Variants in FRMD6 observed in about 807,000 individuals in gnomAD.
FRMD6 encodes FERM domain-containing protein 6.
Under a neutral mutation model 73.2 loss-of-function variants are expected in FRMD6, and 37 were observed. That is an observed-to-expected ratio of 0.51 (90% confidence interval 0.39 to 0.66). The LOEUF (loss-of-function observed/expected upper bound fraction) is 0.66. Among genes scored for constraint, FRMD6 ranks in the 30% least tolerant of loss-of-function variants. FRMD6 has a pLI of 0.00. For missense variants in FRMD6, 714 were observed against 780.5 expected (o/e 0.91, Z 1.02); for synonymous variants, 273 against 282.2 (o/e 0.97, Z 0.33).
At chr14:51,543,450 A>G (rs1275500499) in intron 1 of FRMD6, among the ~76,000 whole-genome samples, 3 of 152,024 alleles carry the variant, frequency 2.0e-5, no homozygotes, top group African/African-American at 7.2e-5. Context: ...AGCTATCATG[A>G]CTTACCTGTT....
At chr14:51,682,708 A>C (rs1256056612) in intron 1 of FRMD6, among the ~76,000 whole-genome samples, 1 of 151,916 alleles carries the variant, frequency 6.6e-6, no homozygotes, top group Non-Finnish European at 1.5e-5. Flanking sequence ...ATTGCCAGCA[A>C]CTCCAGGCTC....
At chr14:51,459,577 C>T in the FRMD6 span, among the ~76,000 whole-genome samples, 2 of 151,926 alleles carry the variant, frequency 1.3e-5, no homozygotes, top group Admixed American at 1.3e-4. Flanking sequence ...CCTGTAATCC[C>T]AGCACTTTGA....
intron 2 of FRMD6, among the ~76,000 whole-genome samples, chr14:51,582,819 C>T (rs962595508): frequency 6.6e-6 from 1 of 152,138 alleles, no homozygotes; most frequent in Non-Finnish European, 1.5e-5. Flanking sequence ...ATTCGTACTT[C>T]TTAGCTTTCA....
At chr14:51,639,734 T>C (rs1201113259) in intron 2 of FRMD6, among the ~76,000 whole-genome samples, 1 of 152,204 alleles carries the variant, frequency 6.6e-6, no homozygotes, top group Non-Finnish European at 1.5e-5. Flanking sequence ...TATCTATCCA[T>C]GCAACCTCGT....
the FRMD6 span, among the ~76,000 whole-genome samples, chr14:51,457,218 A>G: frequency 0.93 from 142,161 of 152,284 alleles, 66,626 homozygotes; most frequent in African/African-American, 0.97. Context: ...CAATGTAAAC[A>G]TGTATCAAAG....
chr14:51,717,129 A>G (rs1051939886), intron 10 of FRMD6: 9 of 152,212 alleles, frequency 5.9e-5, no homozygotes, highest in African/African-American at 2.2e-4. Flanking sequence ...TTCATTGCCA[A>G]CCATAGTACC....
intron 2 of FRMD6, among the ~76,000 whole-genome samples, chr14:51,607,947 G>A (rs947415983): frequency 5.8e-4 from 88 of 152,304 alleles, no homozygotes; most frequent in African/African-American, 2.0e-3. Flanking sequence ...CCTGTCTGCT[G>A]TGGCCACGTG....
In FRMD6 at chr14:51,691,588, A is replaced by ATTTTTTTTTTTTTTTTTTT. The variant is rs758677611; in HGVS notation, c.99+1659_99+1677dup. 4.3e-4 allele frequency among the ~76,000 whole-genome samples: 32 copies of ATTTTTTTTTTTTTTTTTTT among 75,148 alleles called. 1 individual carries two copies. The highest frequency in any genetic ancestry group is 7.3e-4 in the Non-Finnish European group (26 of 35,792). 49.3% of individuals were successfully genotyped at this position (75,148 alleles called of 152,430 possible). A position where few individuals can be genotyped will look rare whatever the true frequency, so the allele number is the denominator to read the frequency against. On this transcript the variant is annotated intron_variant, in intron 2 of 13. Transcript: ENST00000344768. ...TTTTTATTTATTTATTTTGATTTTGATTTTTTTTTTTTTTTTTTTTTTTTG... is the reference window on the plus strand; with the variant it reads ...TTTTTATTTATTTATTTTGATTTTGATTTTTTTTTTTTTTTTTTTTTTTTTTTTTTTTTTTTTTTTTTTG...
At chr14:51,431,164 A>G in the FRMD6 span, among the ~76,000 whole-genome samples, 1 of 152,232 alleles carries the variant, frequency 6.6e-6, no homozygotes, top group South Asian at 2.1e-4. Context: ...CAACAAGGCA[A>G]TTGCAGAATT....
At chr14:51,688,553 T>G (rs962022701) in intron 1 of FRMD6, among the ~76,000 whole-genome samples, 2 of 152,326 alleles carry the variant, frequency 1.3e-5, no homozygotes. Context: ...TATTAATGTA[T>G]TTTCTGTGAA....
At chr14:51,675,219 C>T (rs1472321860) in intron 1 of FRMD6, among the ~76,000 whole-genome samples, 1 of 151,982 alleles carries the variant, frequency 6.6e-6, no homozygotes, top group Non-Finnish European at 1.5e-5. Flanking sequence ...TTGAAGATTC[C>T]CCTGGGAGAA....
the FRMD6 span, among the ~76,000 whole-genome samples, chr14:51,411,187 A>G: frequency 6.6e-6 from 1 of 152,238 alleles, no homozygotes; most frequent in Non-Finnish European, 1.5e-5. Flanking sequence ...GAGTGGTCTC[A>G]TAAGCAAAGG....
the FRMD6 span, among the ~76,000 whole-genome samples, chr14:51,440,356 C>T: frequency 6.6e-6 from 1 of 152,126 alleles, no homozygotes; most frequent in Non-Finnish European, 1.5e-5. Flanking sequence ...TTTCAATGAT[C>T]CAGAAACATA....
the FRMD6 span, among the ~76,000 whole-genome samples, chr14:51,421,644 A>C: frequency 1.3e-4 from 20 of 152,338 alleles, no homozygotes; most frequent in African/African-American, 4.3e-4. Flanking sequence ...CTGATCTTAA[A>C]ATAGAGCACT....
the FRMD6 span, among the ~76,000 whole-genome samples, chr14:51,439,920 A>AT: frequency 2.0e-4 from 30 of 151,484 alleles, no homozygotes; most frequent in Admixed American, 5.3e-4. Context: ...GTAATTTTGT[A>AT]TTTTTTTTTA....
chr14:51,622,881 T>G (rs958801751), intron 2 of FRMD6, among the ~76,000 whole-genome samples: 2 of 152,194 alleles, frequency 1.3e-5, no homozygotes, highest in Non-Finnish European at 2.9e-5. Context: ...TCGTCCCATC[T>G]CAGCCTCCTA....
chr14:51,612,797 C>A lies in FRMD6; in HGVS notation c.-147+42387C>A, dbSNP rs117787017. ...GAATTTCTCTGGATATTAAATAAAC[C>A]CCTACCAGTTCTCAGCACTAGGCAG... On this transcript the variant is annotated intron_variant, in intron 2 of 14. Transcript: ENST00000356218. Among the ~76,000 whole-genome samples, 1,246 of 152,198 alleles carry A rather than the reference C, an allele frequency of 8.2e-3. 8 individuals are homozygous for A. The highest frequency in any genetic ancestry group is 0.014 in the Middle Eastern group (4 of 294).
chr14:51,678,391 T>A (rs1012923883), intron 1 of FRMD6, among the ~76,000 whole-genome samples: 3 of 152,118 alleles, frequency 2.0e-5, no homozygotes, highest in African/African-American at 7.2e-5. Context: ...CAGAAATTAT[T>A]TTGTGGACAG....
chr14:51,489,843 C>A (rs905405687), intron 1 of FRMD6, among the ~76,000 whole-genome samples: 1 of 152,122 alleles, frequency 6.6e-6, no homozygotes, highest in African/African-American at 2.4e-5. Flanking sequence ...TTTGATGCAC[C>A]GTTTTATTCT....
Sources: allele counts gnomAD v4.1 joint callset (sites outside exome capture counted in the v4.1 genomes callset), GRCh38; gene constraint gnomAD v4.1.1; transcripts MANE v1.5; gene names NCBI Gene and HGNC (gene_info 2026-07-23, HGNC 2026-07-21).